Variants in SIMC1 observed in about 807,000 individuals in gnomAD.
SIMC1 encodes SUMO interacting motifs containing 1.
In SIMC1, 55 loss-of-function variants were observed where a neutral mutation model predicts 82.3. That is an observed-to-expected ratio of 0.67 (90% CI 0.54 to 0.84). The LOEUF is 0.84. SIMC1 is among the 40% of genes least tolerant of loss of function. The pLI is 0.00. For missense variants in SIMC1, 915 were observed against 1,107.2 expected (o/e 0.83, Z 2.46); for synonymous variants, 353 against 426.3 (o/e 0.83, Z 2.12).
chr5:176,316,193 AT>A (rs1269945335), intron 5 of SIMC1, among the ~76,000 whole-genome samples: 1 of 152,112 alleles, frequency 6.6e-6, no homozygotes, highest in Non-Finnish European at 1.5e-5. Context: ...ATAAAAATAA[AT>A]TTTAAAAAGT....
intron 7 of SIMC1, among the ~76,000 whole-genome samples, chr5:176,330,317 C>T (rs888117454): frequency 2.0e-5 from 3 of 151,328 alleles, no homozygotes; most frequent in African/African-American, 7.3e-5. Flanking sequence ...AGGAGAATCG[C>T]TTGAAATCAG....
At chr5:176,264,905 A>G (rs1762140618) in intron 1 of SIMC1, among the ~76,000 whole-genome samples, 1 of 152,200 alleles carries the variant, frequency 6.6e-6, no homozygotes. Flanking sequence ...ATGGTGGCTC[A>G]TACCTATAAT....
chr5:176,247,324 A>C (rs557054082), intron 1 of SIMC1, among the ~76,000 whole-genome samples: 223 of 152,212 alleles, frequency 1.5e-3, no homozygotes, highest in Non-Finnish European at 2.4e-3. Context: ...ATAGTGTATC[A>C]TTGTGCTTTT....
intron 1 of SIMC1, among the ~76,000 whole-genome samples, chr5:176,264,904 C>A (rs1299140850): frequency 6.6e-6 from 1 of 152,178 alleles, no homozygotes; most frequent in African/African-American, 2.4e-5. Context: ...CATGGTGGCT[C>A]ATACCTATAA....
intron 9 of SIMC1, among the ~76,000 whole-genome samples, chr5:176,344,436 C>G (rs934084650): frequency 2.7e-5 from 4 of 149,234 alleles, no homozygotes; most frequent in African/African-American, 9.9e-5. Context: ...TTTGGGAGGC[C>G]GAGGCTTGCG....
At chr5:176,252,110 T>C (rs1319070511) in intron 1 of SIMC1, among the ~76,000 whole-genome samples, 12 of 152,074 alleles carry the variant, frequency 7.9e-5, no homozygotes, top group East Asian at 5.8e-4. Context: ...ACCTCCCAGA[T>C]GGGGTGGTGG....
intron 1 of SIMC1, among the ~76,000 whole-genome samples, chr5:176,266,451 A>C (rs1265184514): frequency 1.3e-5 from 2 of 152,108 alleles, no homozygotes; most frequent in Non-Finnish European, 2.9e-5. Context: ...GGCCAGGTTA[A>C]AACAACAGCA....
At chr5:176,295,772 C>T (rs1763787034) in intron 3 of SIMC1, among the ~76,000 whole-genome samples, 1 of 152,202 alleles carries the variant, frequency 6.6e-6, no homozygotes, top group Non-Finnish European at 1.5e-5. Context: ...GTGGTAGCCT[C>T]TCAGCCTCAG....
chr5:176,290,211 A>C lies in SIMC1; in HGVS notation c.687A>C (p.Pro229=). The change falls in exon 2 of 10, where the codon CCA becomes CCC. Residue 229 remains proline (P), a synonymous_variant. Transcript: ENST00000429602. ...LPCPLRPLPC[P]PRASPCPPRA... is the part of the protein sequence containing the mutation. ...GCCCCCTGCGACCTTTGCCATGCCC[A>C]CCGAGAGCCTCACCATGTCCACCAC... 7 of 1,612,726 alleles carry C rather than the reference A, an allele frequency of 4.3e-6. No homozygotes were observed. The highest frequency in any genetic ancestry group is 5.1e-6 in the Non-Finnish European group (6 of 1,179,334).
chr5:176,329,041 T>A (rs1281293778), intron 7 of SIMC1, among the ~76,000 whole-genome samples: 1 of 152,204 alleles, frequency 6.6e-6, no homozygotes, highest in African/African-American at 2.4e-5. Flanking sequence ...TAGTACAATA[T>A]CACAAATAGG....
At chr5:176,313,279 G>A (rs1463049349) in intron 4 of SIMC1, 85 of 1,412,076 alleles carry the variant, frequency 6.0e-5, no homozygotes, top group Non-Finnish European at 7.5e-5. Context: ...CTGTAGTTTT[G>A]GGTATATCCT....
intron 4 of SIMC1, among the ~76,000 whole-genome samples, chr5:176,306,773 T>G (rs564646054): frequency 2.0e-5 from 3 of 147,596 alleles, no homozygotes; most frequent in Non-Finnish European, 4.5e-5. Context: ...ACACAAACAC[T>G]GCGGAGGCCG....
chr5:176,286,936 A>C (rs1359426179), intron 1 of SIMC1, among the ~76,000 whole-genome samples: 9 of 152,188 alleles, frequency 5.9e-5, no homozygotes, highest in East Asian at 1.9e-4. Flanking sequence ...GAGATACCAT[A>C]TCACACCAGT....
chr5:176,343,147 G>GA (rs1327309572), intron 9 of SIMC1, among the ~76,000 whole-genome samples: 1 of 152,140 alleles, frequency 6.6e-6, no homozygotes, highest in East Asian at 1.9e-4. Context: ...TGAAGGTTGA[G>GA]AAAAAACATA....
At chr5:176,342,433 GA>G (rs1370280242) in intron 9 of SIMC1, among the ~76,000 whole-genome samples, 17 of 152,074 alleles carry the variant, frequency 1.1e-4, no homozygotes, top group Admixed American at 1.0e-3. Context: ...TATGTTAGCT[GA>G]AACACTTTAA....
At chr5:176,324,905 T>A (rs1412654117) in intron 7 of SIMC1, 148 bp downstream of exon 7, 12 of 936,370 alleles carry the variant, frequency 1.3e-5, no homozygotes, top group Non-Finnish European at 1.9e-5. Flanking sequence ...CTAATTAAGA[T>A]AGGAAGAAAA....
intron 1 of SIMC1, among the ~76,000 whole-genome samples, chr5:176,265,371 C>G (rs1299668289): frequency 1.3e-5 from 2 of 152,140 alleles, no homozygotes; most frequent in Non-Finnish European, 2.9e-5. Context: ...TAAAATTAAC[C>G]AAAAACTGTG....
chr5:176,253,219 GT>G (rs1389875785), intron 1 of SIMC1, among the ~76,000 whole-genome samples: 1 of 152,138 alleles, frequency 6.6e-6, no homozygotes, highest in Non-Finnish European at 1.5e-5. Context: ...GGTTTGTAGG[GT>G]TTCTTCAGAG....
intron 7 of SIMC1, among the ~76,000 whole-genome samples, chr5:176,328,012 A>G (rs1418016465): frequency 6.6e-6 from 1 of 152,162 alleles, no homozygotes; most frequent in Non-Finnish European, 1.5e-5. Flanking sequence ...TTTTTGCATC[A>G]ATGTTTACAA....
Sources: allele counts gnomAD v4.1 joint callset (sites outside exome capture counted in the v4.1 genomes callset), GRCh38; gene constraint gnomAD v4.1.1; transcripts MANE v1.5; gene names NCBI Gene and HGNC (gene_info 2026-07-23, HGNC 2026-07-21).